The following ING5 variants were observed in gnomAD, a reference collection of about 807,000 sequenced individuals.
The protein encoded by ING5 is inhibitor of growth protein 5.
A neutral mutation model predicts 37.4 loss-of-function variants in ING5; 17 were observed. The observed-to-expected ratio is 0.45, with a 90% CI of 0.31 to 0.68. ING5 has a LOEUF of 0.68. Ranked by LOEUF, ING5 falls within the 30% of genes least tolerant of loss-of-function variation. The pLI is 0.05. For missense variants in ING5, 233 were observed against 311.9 expected (o/e 0.75, Z 1.91); for synonymous variants, 123 against 116.6 (o/e 1.06, Z -0.36).
chr2:241,689,430 C>T (rs765732904), intron 1 of ING5, among the ~76,000 whole-genome samples: 1 of 152,158 alleles, frequency 6.6e-6, no homozygotes, highest in Non-Finnish European at 1.5e-5. Context: ...TCCTTTACGT[C>T]AAGCTTAGTG....
chr2:241,706,379 C>G lies in ING5; in HGVS notation c.109+1655C>G, dbSNP rs560994758. Among the ~76,000 whole-genome samples, 6 of 152,112 alleles carry G rather than the reference C, an allele frequency of 3.9e-5. No individual in the cohort carries two copies. The South Asian group carries it at 1.2e-3, about 32-fold the overall frequency. On this transcript the variant is annotated intron_variant, in intron 2 of 7. Coordinates refer to ENST00000313552, the MANE Select transcript of ING5 (RefSeq NM_032329.6). ...GCACGGTGGCTCATGCCTGTAATCC[C>G]AGCACTTTGGGAGGCTGAGGTGGGC...
chr2:241,723,891 T>C, intron 7 of ING5: 1 of 1,405,916 alleles, frequency 7.1e-7, no homozygotes, highest in African/African-American at 1.4e-5. Flanking sequence ...GTGCCTGTGG[T>C]CCCAACTACC....
At chr2:241,714,911 G>C (rs1229005507) in intron 5 of ING5, among the ~76,000 whole-genome samples, 3 of 152,074 alleles carry the variant, frequency 2.0e-5, no homozygotes, top group Non-Finnish European at 2.9e-5. Context: ...GATCTTTTTA[G>C]AGAACTAGCT....
chr2:241,702,477 T>A (rs2069773094), intron 1 of ING5, among the ~76,000 whole-genome samples: 1 of 151,944 alleles, frequency 6.6e-6, no homozygotes, highest in South Asian at 2.1e-4. Context: ...CGCCCGTCCC[T>A]GTCCCGTCTG....
intron 2 of ING5, among the ~76,000 whole-genome samples, chr2:241,705,588 A>G (rs1350890975): frequency 1.3e-5 from 2 of 150,164 alleles, no homozygotes; most frequent in African/African-American, 4.9e-5. Context: ...TAGTAGAGAC[A>G]GGGTTTCACC....
At chr2:241,719,398 T>G in intron 5 of ING5, 7 of 686,242 alleles carry the variant, frequency 1.0e-5, no homozygotes, top group African/African-American at 1.8e-5. Flanking sequence ...CTGCAGGTCA[T>G]CTAGCTCTTG....
intron 1 of ING5, among the ~76,000 whole-genome samples, chr2:241,702,332 G>C (rs2069764092): frequency 6.7e-6 from 1 of 150,158 alleles, no homozygotes; most frequent in Non-Finnish European, 1.5e-5. Flanking sequence ...AATTCCAGGT[G>C]CGTCACGGCG....
intron 7 of ING5, chr2:241,724,571 A>G: frequency 5.0e-6 from 1 of 200,282 alleles, no homozygotes. Flanking sequence ...GTGAGACGGC[A>G]GCTTCCAGGG....
intron 1 of ING5, among the ~76,000 whole-genome samples, chr2:241,702,425 C>T (rs1168122996): frequency 1.3e-5 from 2 of 151,888 alleles, no homozygotes; most frequent in Non-Finnish European, 2.9e-5. Flanking sequence ...CAGGCCCCGC[C>T]TCATCTCCGC....
At chr2:241,696,807 G>C (rs998543910) in intron 2 of ING5, among the ~76,000 whole-genome samples, 1 of 152,056 alleles carries the variant, frequency 6.6e-6, no homozygotes, top group Non-Finnish European at 1.5e-5. Context: ...ACCAAGGCTG[G>C]GTGTGGTGGC....
rs949792139 is a variant in ING5 at position 241,723,074 on chromosome 2, C to T, written c.618C>T (p.Asp206=). 1.6e-5 allele frequency: 26 copies of T among 1,614,104 alleles called. No homozygotes were observed. The highest frequency in any genetic ancestry group is 1.6e-4 in the Middle Eastern group (1 of 6,084). The change falls in exon 6 of 8, where the codon GAC becomes GAT. Residue 206 remains aspartate (D), a splice_region_variant and synonymous_variant. Coordinates refer to ENST00000313552, the MANE Select transcript of ING5 (RefSeq NM_032329.6). ...AGATGATTGGCTGTGACAATCCAGA[C>T]GTGAGTGTCGCCTGCAGGATTCGCG... ...YGEMIGCDNP[D]CPIEWFHFAC...
At chr2:241,687,674 G>C (rs7371227) in exon 1 of ING5, 89,600 of 233,672 alleles carry the variant, frequency 0.38, 17,644 homozygotes, top group Middle Eastern at 0.47. Flanking sequence ...ACTGCAGGCG[G>C]CCGCCACGAC....
Position 241,725,056 on chromosome 2 carries a change from G to A in ING5, c.*25G>A. 4 of 1,612,478 alleles carry A rather than the reference G, an allele frequency of 2.5e-6. No individual in the cohort carries two copies. The highest frequency in any genetic ancestry group is 2.5e-6 in the Non-Finnish European group (3 of 1,178,458). The stretch of plus-strand genomic sequence containing the variant: ...GGAGGAGCTGTGTGCCCGGATCCGA[G>A]GAGCAAGTTAATCTGTCCCTTCATT... On this transcript the variant is annotated 3_prime_UTR_variant, in exon 8 of 8. Transcript: ENST00000313552.
chr2:241,688,880 G>T (rs1202904360), intron 1 of ING5, among the ~76,000 whole-genome samples: 1 of 150,342 alleles, frequency 6.7e-6, no homozygotes, highest in Non-Finnish European at 1.5e-5. Context: ...CTCACTGCAA[G>T]CTCCACCTCC....
At chr2:241,687,302 C>T (rs1478707093) in exon 1 of ING5, 12 of 398,496 alleles carry the variant, frequency 3.0e-5, no homozygotes, top group Admixed American at 4.4e-5. Flanking sequence ...CTTCCCGAAG[C>T]GCGGGGCCCA....
chr2:241,724,944 G>A (rs1189495124), intron 7 of ING5, 45 bp from the exon 8 acceptor site: 2 of 1,606,074 alleles, frequency 1.2e-6, no homozygotes, highest in Admixed American at 1.7e-5. Flanking sequence ...CCTGCGCGCT[G>A]GCGGAAATGG....
chr2:241,702,090 C>A lies in ING5; in HGVS notation c.25C>A (p.His9Asn). The A allele has an allele frequency of 7.2e-7, 1 of 1,392,934 alleles. No homozygotes were observed. Among genetic ancestry groups the A allele is most frequent in the Admixed American group, 2.8e-5 (1 of 35,732 alleles). 86.3% of individuals were successfully genotyped at this position (1,392,934 alleles called of 1,614,324 possible). A position where few individuals can be genotyped will look rare whatever the true frequency, so the allele number is the denominator to read the frequency against. MATAMYLE[H>N]YLDSIENLPC... is the part of the protein sequence containing the mutation. The stretch of plus-strand genomic sequence containing the variant: ...GATGGCGACCGCCATGTACTTGGAG[C>A]ACTATCTGGACAGTAAGCGCGCCCC... The change falls in exon 1 of 8, where the codon CAC becomes AAC. Residue 9 changes from histidine (H) to asparagine (N), a missense_variant. His to Asn is a moderately conservative substitution (Grantham distance 68, BLOSUM62 1). Coordinates refer to ENST00000313552, the MANE Select transcript of ING5 (RefSeq NM_032329.6).
At chr2:241,723,105 G>T in intron 6 of ING5, 31 bp downstream of exon 6, 1 of 1,614,192 alleles carries the variant, frequency 6.2e-7, no homozygotes, top group Non-Finnish European at 8.5e-7. Context: ...TCGCGCCATG[G>T]GGCGGGGTCT....
At chr2:241,693,210 G>A (rs933546033) in intron 2 of ING5, among the ~76,000 whole-genome samples, 2 of 135,102 alleles carry the variant, frequency 1.5e-5, no homozygotes, top group Admixed American at 8.5e-5. Flanking sequence ...AGCTGAGATC[G>A]CCCTATTGCA....
Sources: allele counts gnomAD v4.1 joint callset (sites outside exome capture counted in the v4.1 genomes callset), GRCh38; gene constraint gnomAD v4.1.1; transcripts MANE v1.5; gene names NCBI Gene and HGNC (gene_info 2026-07-23, HGNC 2026-07-21).